The following NUP188 variants were observed in gnomAD, a reference collection of about 807,000 sequenced individuals.
NUP188 encodes the protein nucleoporin NUP188.
A neutral mutation model predicts 223.0 loss-of-function variants in NUP188; 97 were observed. That is an observed-to-expected ratio of 0.43 (90% CI 0.37 to 0.51). The LOEUF is 0.51. Among genes scored for constraint, NUP188 ranks in the 20% least tolerant of loss-of-function variants. The pLI, the probability that NUP188 is intolerant of heterozygous loss-of-function variation, is 0.00. For missense variants in NUP188, 1,947 were observed against 2,175.6 expected (o/e 0.89, Z 2.09); for synonymous variants, 869 against 828.0 (o/e 1.05, Z -0.85).
chr9:128,978,882 C>T (rs925070623), intron 12 of NUP188, among the ~76,000 whole-genome samples: 6 of 151,878 alleles, frequency 4.0e-5, no homozygotes, highest in Admixed American at 1.3e-4. Context: ...GGCTAACTTT[C>T]GTATTTTTAG....
chr9:128,976,999 GGAGACACAGGTTTCAGTGTGCTGA>G (rs1009371104), intron 12 of NUP188, among the ~76,000 whole-genome samples: 1 of 152,016 alleles, frequency 6.6e-6, no homozygotes, highest in Non-Finnish European at 1.5e-5. Context: ...CACTTGCCTG[GGAGACACAGGTTTCAGTGTGCTGA>G]GATGGCGTCG....
At position 128,999,058 on chromosome 9, in the gene NUP188, G is replaced by T. The variant is rs1411993912; in HGVS notation, c.3516-114G>T. ...AGTAGAGACAGGGTTTCACCATGTTGGCCAGGCTGGTCTCGAACTCCTGAC... is the reference window on the plus strand; with the variant it reads ...AGTAGAGACAGGGTTTCACCATGTTTGCCAGGCTGGTCTCGAACTCCTGAC... On this transcript the variant is annotated intron_variant, in intron 32 of 43. Transcript: ENST00000372577. 132 of 760,652 alleles carry T rather than the reference G, an allele frequency of 1.7e-4. No individual in the cohort carries two copies. In the East Asian group the frequency reaches 3.4e-3, roughly 20 times the overall value. The allele number at this position is 760,652 out of a possible 1,614,324, so 47.1% of individuals were successfully genotyped here.
In NUP188 at chr9:128,969,464, G is replaced by A; in HGVS notation, c.862G>A (p.Asp288Asn). Residue 288 changes from aspartate (D) to asparagine (N), a missense_variant, in exon 10 of 44, where the codon GAT becomes AAT. By Grantham distance (23) the Asp-to-Asn change is conservative. Transcript: ENST00000372577. ...DIESLHKCAL[D>N]DRRELHQFAQ... ...CGAGTCCTTGCATAAGTGTGCTTTG[G>A]ATGACAGAAGAGAACTGCATCAGTT... is the stretch of plus-strand genomic sequence containing the variant. The A allele has an allele frequency of 1.2e-6, 2 of 1,601,840 alleles. No individual in the cohort carries two copies. Among genetic ancestry groups the A allele is most frequent in the African/African-American group, 1.3e-5 (1 of 74,130 alleles).
chr9:128,981,239 GTGA>G, intron 14 of NUP188, 22 bp from the exon 15 acceptor site: 2 of 1,610,036 alleles, frequency 1.2e-6, no homozygotes, highest in South Asian at 1.1e-5. Flanking sequence ...AGGGAAATGT[GTGA>G]TGGTTTTTTC....
At chr9:128,978,674 A>G (rs1344847796) in intron 12 of NUP188, among the ~76,000 whole-genome samples, 1 of 152,016 alleles carries the variant, frequency 6.6e-6, no homozygotes, top group African/African-American at 2.4e-5. Context: ...AAATAAATAA[A>G]TAAGTCAACC....
Position 128,993,005 on chromosome 9 carries a change from T to G in NUP188, c.2641-192T>G, listed in dbSNP as rs887393137. On this transcript the variant is annotated intron_variant, in intron 25 of 43. Coordinates refer to ENST00000372577, the MANE Select transcript of NUP188 (RefSeq NM_015354.3). The stretch of plus-strand genomic sequence containing the variant: ...GAAGTTGAGCATTTCTTTATACTGA[T>G]TACTGTCTTTCCTGTGAATTTGCGG... 5 of 589,920 alleles carry G rather than the reference T, an allele frequency of 8.5e-6. No homozygotes were observed. In the African/African-American group the frequency reaches 9.3e-5, roughly 11 times the overall value. 36.5% of individuals were successfully genotyped at this position (589,920 alleles called of 1,614,324 possible).
At chr9:128,998,899 C>G (rs1842581831) in intron 32 of NUP188, among the ~76,000 whole-genome samples, 3 of 151,142 alleles carry the variant, frequency 2.0e-5, no homozygotes, top group South Asian at 4.2e-4. Context: ...CTCTGTCGCC[C>G]AGGCTGGAGT....
intron 19 of NUP188, among the ~76,000 whole-genome samples, chr9:128,983,969 C>T (rs112786520): frequency 4.0e-5 from 6 of 151,728 alleles, no homozygotes; most frequent in Admixed American, 6.6e-5. Flanking sequence ...TACAGATGTG[C>T]GGCACCACGC....
At chr9:128,971,440 A>T (rs1842103146) in intron 11 of NUP188, among the ~76,000 whole-genome samples, 1 of 152,106 alleles carries the variant, frequency 6.6e-6, no homozygotes, top group South Asian at 2.1e-4. Flanking sequence ...TGTTTTTGAG[A>T]CAGAGTCTTG....
chr9:129,002,854 C>T lies in NUP188; in HGVS notation c.4175C>T (p.Ser1392Phe), dbSNP rs1842697140. 2 of 1,614,128 alleles carry T rather than the reference C, an allele frequency of 1.2e-6. No homozygotes were observed. The highest frequency in any genetic ancestry group is 1.7e-5 in the Admixed American group (1 of 60,012). ...SASRKSLDAPSWPGVYRLSMS... is the reference protein window; with the variant it reads ...SASRKSLDAPFWPGVYRLSMS... ...TCTCGGAAGTCCCTGGATGCCCCCT[C>T]TTGGCCAGGAGTCTACCGCCTGTCC... Residue 1392 changes from serine (S) to phenylalanine (F), a missense_variant, in exon 37 of 44, where the codon TCT (serine) becomes TTT (phenylalanine). Physicochemically the swap from Ser to Phe is radical, Grantham distance 155. This residue lies in a region of NUP188 where 905 missense variants were observed against 990.6 expected (regional missense o/e 0.91). Transcript: ENST00000372577.
chr9:128,983,591 A>G (rs945687275), intron 19 of NUP188, 41 bp downstream of exon 19: 1 of 1,301,726 alleles, frequency 7.7e-7, no homozygotes, highest in Non-Finnish European at 1.1e-6. Flanking sequence ...TTCCCTAGTG[A>G]GAACCACATA....
In NUP188 at chr9:128,969,449, C is replaced by T; in HGVS notation, c.847C>T (p.His283Tyr). 1 of 1,607,376 alleles carries T rather than the reference C, an allele frequency of 6.2e-7. No homozygotes were observed. Residue 283 changes from histidine to tyrosine, a missense_variant, in exon 10 of 44, where the codon CAT becomes TAT. Transcript: ENST00000372577. ...LVEGMDIESL[H>Y]KCALDDRREL... ...GGAGGGCATGGATATCGAGTCCTTG[C>T]ATAAGTGTGCTTTGGATGACAGAAG...
At chr9:128,959,480 G>C (rs927169492) in intron 8 of NUP188, among the ~76,000 whole-genome samples, 1 of 151,214 alleles carries the variant, frequency 6.6e-6, no homozygotes, top group Non-Finnish European at 1.5e-5. Flanking sequence ...TGCTTATAGA[G>C]CTGCAAGTTA....
chr9:128,949,648 G>C (rs1189603792), intron 2 of NUP188, among the ~76,000 whole-genome samples: 1 of 151,620 alleles, frequency 6.6e-6, no homozygotes, highest in Non-Finnish European at 1.5e-5. Flanking sequence ...TTTATTTTGA[G>C]ATGGAGTTTC....
intron 1 of NUP188, chr9:128,948,579 TATAACC>T (rs1841725903): frequency 6.6e-6 from 1 of 152,276 alleles, no homozygotes; most frequent in African/African-American, 2.4e-5. Context: ...CCTCCAGTGC[TATAACC>T]AGACCACCAC....
intron 5 of NUP188, 94 bp downstream of exon 5, chr9:128,957,126 G>A (rs1310399766): frequency 6.2e-6 from 5 of 801,554 alleles, no homozygotes; most frequent in Non-Finnish European, 1.0e-5. Flanking sequence ...TTCTTTTATC[G>A]GTGGTAGGTG....
chr9:129,006,568 G>A lies in NUP188; in HGVS notation c.5140G>A (p.Val1714Ile), dbSNP rs1311089243. Residue 1714 changes from valine to isoleucine, a missense_variant, in exon 44 of 44, where the codon GTC becomes ATC. This residue lies in a region of NUP188 where 905 missense variants were observed against 990.6 expected (regional missense o/e 0.91). Transcript: ENST00000372577. ...AGCCCCCAGCTCCCCTGCCACTGGT[G>A]TCCTCCCCTCGCCGCAGGGCAAGTC... ...RGAPSSPATGVLPSPQGKSTS... is the reference protein window; with the variant it reads ...RGAPSSPATGILPSPQGKSTS... The A allele has an allele frequency of 1.1e-5, 17 of 1,614,096 alleles. No individual in the cohort carries two copies. In the Admixed American group the frequency reaches 2.8e-4, roughly 27 times the overall value.
chr9:128,982,933 C>T lies in NUP188; in HGVS notation c.1701C>T (p.Pro567=). 1 of 1,614,164 alleles carries T rather than the reference C, an allele frequency of 6.2e-7. No homozygotes were observed. The highest frequency in any genetic ancestry group is 2.2e-5 in the East Asian group (1 of 44,886). Residue 567 remains proline, a synonymous_variant, in exon 17 of 44, where the codon CCC becomes CCT. Coordinates refer to ENST00000372577, the MANE Select transcript of NUP188 (RefSeq NM_015354.3). ...DVIQHCQRVK[P]IIDLVHKVIS... ...TTCAGCACTGCCAGCGAGTCAAACC[C>T]ATCATTGATCTCGTCCATAAGGTCA... is the stretch of plus-strand genomic sequence containing the variant.
rs552489230 is a variant in NUP188, at chr9:128,984,485, C to T, written c.1962-415C>T. Among the ~76,000 whole-genome samples, 3 of 152,276 alleles carry T rather than the reference C, an allele frequency of 2.0e-5. No individual in the cohort carries two copies. In the South Asian group the frequency reaches 6.2e-4, roughly 32 times the overall value. Reference sequence around the variant, plus strand: ...ACGTTAGTATGTGAGCATTTACTTTCCAGCCCAGAAAATCCAGAGGTTTCT... The same window carrying T: ...ACGTTAGTATGTGAGCATTTACTTTTCAGCCCAGAAAATCCAGAGGTTTCT... On this transcript the variant is annotated intron_variant, in intron 19 of 43. Coordinates refer to ENST00000372577, the MANE Select transcript of NUP188 (RefSeq NM_015354.3).
Sources: gnomAD v4.1 joint callset for allele counts (sites outside exome capture counted in the v4.1 genomes callset) on GRCh38, gnomAD v4.1.1 for gene constraint, gnomAD v4.1.1 regional missense constraint, MANE v1.5 for transcripts, NCBI Gene and HGNC (gene_info 2026-07-23, HGNC 2026-07-21) for gene names.